Variants in FBXL20 observed in about 807,000 individuals in gnomAD.
The protein encoded by FBXL20 is F-box and leucine rich repeat protein 20, also known as F-box/LRR-repeat protein 20.
FBXL20 carries 11 observed loss-of-function variants against 64.0 expected under a neutral mutation model. The ratio of observed to expected loss-of-function variants is 0.17; its 90% CI spans 0.11 to 0.28. FBXL20 has a LOEUF of 0.28. Ranked by LOEUF, FBXL20 falls within the 10% of genes least tolerant of loss-of-function variation. The pLI, the probability that FBXL20 is intolerant of heterozygous loss-of-function variation, is 1.00. For missense variants in FBXL20, 303 were observed against 526.2 expected (o/e 0.58, Z 4.15); for synonymous variants, 184 against 189.0 (o/e 0.97, Z 0.22).
At chr17:39,394,196 T>C (rs1219768523) in intron 1 of FBXL20, among the ~76,000 whole-genome samples, 2 of 152,204 alleles carry the variant, frequency 1.3e-5, no homozygotes, top group Non-Finnish European at 2.9e-5. Flanking sequence ...TCCTTTGGAT[T>C]TTCCTGGTGT....
At chr17:39,384,482 G>A (rs1222532910) in intron 1 of FBXL20, among the ~76,000 whole-genome samples, 1 of 151,454 alleles carries the variant, frequency 6.6e-6, no homozygotes, top group African/African-American at 2.4e-5. Flanking sequence ...CCGAGATCAC[G>A]TCACTGCACT....
At chr17:39,402,259 C>G, upstream of FBXL20, 2 of 1,075,020 alleles carry the variant, frequency 1.9e-6, no homozygotes, top group Non-Finnish European at 2.2e-6. Flanking sequence ...TGGGGCAGTG[C>G]GGCTGCCGCC....
intron 8 of FBXL20, 58 bp downstream of exon 8, chr17:39,282,671 G>T (rs2046958216): frequency 6.2e-7 from 1 of 1,610,440 alleles, no homozygotes; most frequent in Non-Finnish European, 8.5e-7. Context: ...TGTCTATAAA[G>T]AGCTCATGAT....
intron 2 of FBXL20, among the ~76,000 whole-genome samples, chr17:39,323,144 T>C (rs1408691683): frequency 6.6e-6 from 1 of 152,100 alleles, no homozygotes; most frequent in Non-Finnish European, 1.5e-5. Flanking sequence ...CAATTTTTTG[T>C]ATTTTTAGTA....
intron 1 of FBXL20, among the ~76,000 whole-genome samples, chr17:39,364,701 C>G (rs939368716): frequency 6.6e-6 from 1 of 152,204 alleles, no homozygotes; most frequent in African/African-American, 2.4e-5. Flanking sequence ...ACCCTCTTGA[C>G]AGACTCCTGC....
intron 1 of FBXL20, among the ~76,000 whole-genome samples, chr17:39,353,821 T>C (rs183027537): frequency 1.3e-5 from 2 of 151,960 alleles, no homozygotes; most frequent in Admixed American, 1.3e-4. Context: ...TGGGGTTTCA[T>C]CATATTGGCC....
At chr17:39,351,383 CT>C (rs1349747376) in intron 1 of FBXL20, among the ~76,000 whole-genome samples, 3 of 149,868 alleles carry the variant, frequency 2.0e-5, no homozygotes, top group African/African-American at 7.4e-5. Flanking sequence ...CACAATAACA[CT>C]AGATGTTTTC....
intron 7 of FBXL20, among the ~76,000 whole-genome samples, chr17:39,284,948 GT>G (rs5820282): frequency 0.95 from 143,780 of 150,778 alleles, 68,580 homozygotes; most frequent in East Asian, 1. Context: ...CTTTTTTTTT[GT>G]TTTTTTTGAG....
At position 39,343,167 on chromosome 17, in the gene FBXL20, C is replaced by G. The variant is rs987062837; in HGVS notation, c.104+13G>C. 7.6e-6 allele frequency: 12 copies of G among 1,584,958 alleles called. No homozygotes were observed. The highest frequency in any genetic ancestry group is 2.7e-5 in the African/African-American group (2 of 73,422). On this transcript the variant is annotated intron_variant, in intron 2 of 14. Transcript: ENST00000264658. ...CACATAAAAAAACCCATAAAATTAG[C>G]ATTCAGACTTACCGTAACAGGAGTT...
intron 7 of FBXL20, 93 bp from the exon 8 acceptor site, chr17:39,282,948 G>C (rs940586941): frequency 1.4e-6 from 2 of 1,408,554 alleles, no homozygotes; most frequent in Admixed American, 3.8e-5. Flanking sequence ...TAAAGGAATG[G>C]AAACATTCCC....
chr17:39,338,337 A>G (rs1232105530), intron 2 of FBXL20, among the ~76,000 whole-genome samples: 1 of 152,216 alleles, frequency 6.6e-6, no homozygotes, highest in East Asian at 1.9e-4. Flanking sequence ...GCTTGAAGGC[A>G]GCATGCTCAT....
intron 1 of FBXL20, among the ~76,000 whole-genome samples, chr17:39,380,228 A>G (rs1009074929): frequency 6.6e-6 from 1 of 152,152 alleles, no homozygotes; most frequent in Non-Finnish European, 1.5e-5. Flanking sequence ...TCAAAAACAA[A>G]TCTATGAATG....
chr17:39,276,912 C>A (rs998585933), intron 9 of FBXL20, among the ~76,000 whole-genome samples: 4 of 152,090 alleles, frequency 2.6e-5, no homozygotes, highest in African/African-American at 7.2e-5. Flanking sequence ...CATAATGAGA[C>A]CACCCCCAAC....
At chr17:39,336,944 ACCTCTC>A (rs969412427) in intron 2 of FBXL20, among the ~76,000 whole-genome samples, 25 of 148,768 alleles carry the variant, frequency 1.7e-4, no homozygotes, top group African/African-American at 5.8e-4. Context: ...ATAATAAACG[ACCTCTC>A]CCTCTCCCTC....
rs1461651552 is a variant in FBXL20, at chr17:39,380,119, C to G, written c.42+21242G>C. ...TCTCCTTTCTCATTTATTGCAAGAGCTAAGAACACTGGTTACAACATCACA... is the reference window on the plus strand; with the variant it reads ...TCTCCTTTCTCATTTATTGCAAGAGGTAAGAACACTGGTTACAACATCACA... On this transcript the variant is annotated intron_variant, in intron 1 of 14. Transcript: ENST00000264658. Among the ~76,000 whole-genome samples the G allele has an allele frequency of 2.0e-5, 3 of 152,118 alleles. No individual in the cohort carries two copies. In the East Asian group the frequency reaches 5.8e-4, roughly 29 times the overall value.
At chr17:39,364,735 A>G (rs1355758998) in intron 1 of FBXL20, among the ~76,000 whole-genome samples, 6 of 152,236 alleles carry the variant, frequency 3.9e-5, no homozygotes, top group South Asian at 4.1e-4. Context: ...AGTCCACACT[A>G]AACTCCTGAA....
chr17:39,346,700 T>TC (rs1239999027), intron 1 of FBXL20, among the ~76,000 whole-genome samples: 4 of 152,176 alleles, frequency 2.6e-5, no homozygotes, highest in African/African-American at 9.7e-5. Flanking sequence ...AATTACTTTT[T>TC]TTTTTATTAT....
At chr17:39,397,823 T>C (rs1207925840) in intron 1 of FBXL20, among the ~76,000 whole-genome samples, 1 of 149,076 alleles carries the variant, frequency 6.7e-6, no homozygotes, top group African/African-American at 2.5e-5. Flanking sequence ...TTGCTAGTCA[T>C]GCTAAAAAAA....
intron 2 of FBXL20, among the ~76,000 whole-genome samples, chr17:39,308,552 A>G (rs558691681): frequency 6.8e-6 from 1 of 147,198 alleles, no homozygotes; most frequent in Non-Finnish European, 1.5e-5. Context: ...AAATCAAAAA[A>G]ATTTTTAATA....
Sources: gnomAD v4.1 joint callset for allele counts (sites outside exome capture counted in the v4.1 genomes callset) on GRCh38, gnomAD v4.1.1 for gene constraint, MANE v1.5 for transcripts, NCBI Gene and HGNC (gene_info 2026-07-23, HGNC 2026-07-21) for gene names.